The following NR2C2 variants were observed in gnomAD, a reference collection of about 807,000 sequenced individuals.
NR2C2 encodes Nuclear hormone receptor TR4.
Under a neutral mutation model 62.9 loss-of-function variants are expected in NR2C2, and 6 were observed. The observed-to-expected ratio is 0.10, with a 90% CI of 0.05 to 0.19. The LOEUF (loss-of-function observed/expected upper bound fraction) is 0.19. Ranked by LOEUF, NR2C2 falls within the 10% of genes least tolerant of loss-of-function variation. NR2C2 has a pLI of 1.00. For missense variants in NR2C2, 479 were observed against 762.7 expected (o/e 0.63, Z 4.38); for synonymous variants, 272 against 273.8 (o/e 0.99, Z 0.07).
chr3:14,975,756 G>T (rs2040186253), intron 1 of NR2C2, among the ~76,000 whole-genome samples: 1 of 152,074 alleles, frequency 6.6e-6, no homozygotes, highest in Non-Finnish European at 1.5e-5. Context: ...CCTCTTCAGT[G>T]TTTCTAGAAG....
At chr3:15,025,756 G>A (rs1038547904) in intron 7 of NR2C2, 2 of 152,506 alleles carry the variant, frequency 1.3e-5, no homozygotes, top group East Asian at 1.9e-4. Flanking sequence ...GTATCACAAC[G>A]AGGACATTGG....
At chr3:14,994,214 A>C (rs572073100) in intron 1 of NR2C2, among the ~76,000 whole-genome samples, 5 of 152,254 alleles carry the variant, frequency 3.3e-5, no homozygotes, top group Admixed American at 1.3e-4. Flanking sequence ...TTATTGTAGT[A>C]TAACATACCT....
intron 1 of NR2C2, among the ~76,000 whole-genome samples, chr3:14,961,722 A>T (rs2039691936): frequency 6.6e-6 from 1 of 152,208 alleles, no homozygotes; most frequent in Non-Finnish European, 1.5e-5. Flanking sequence ...TCTTTAGGTG[A>T]TCTTTCTCAA....
intron 2 of NR2C2, among the ~76,000 whole-genome samples, chr3:15,008,947 G>A (rs865998711): frequency 6.6e-6 from 1 of 152,266 alleles, no homozygotes; most frequent in Admixed American, 6.5e-5. Flanking sequence ...TTGGTCGGGC[G>A]CGGCGGCTAG....
Position 15,034,713 on chromosome 3 carries a change from C to G in NR2C2, c.1276C>G (p.Leu426Val), listed in dbSNP as rs776445143. Reference sequence around the variant, plus strand: ...CCTTGTGCGGGCCTGCTGGAATGAGCTCTTCACCCTCGGCCTGGCCCAGTG... The same window carrying G: ...CCTTGTGCGGGCCTGCTGGAATGAGGTCTTCACCCTCGGCCTGGCCCAGTG... ...TSLVRACWNELFTLGLAQCAQ... is the reference protein window; with the variant it reads ...TSLVRACWNEVFTLGLAQCAQ... Residue 426 changes from leucine (L) to valine (V), a missense_variant, in exon 11 of 14, where the codon CTC becomes GTC. Leu to Val is a conservative substitution (Grantham distance 32, BLOSUM62 1). Around this residue, in one of 4 missense-constraint regions of NR2C2, gnomAD observed 162 missense variants for 296.8 expected, o/e 0.55. Coordinates refer to ENST00000425241, the MANE Select transcript of NR2C2 (RefSeq NM_001291694.2). 1.9e-6 allele frequency: 3 copies of G among 1,614,196 alleles called. No individual in the cohort carries two copies. Among genetic ancestry groups the G allele is most frequent in the Non-Finnish European group, 2.5e-6 (3 of 1,180,028 alleles).
intron 1 of NR2C2, among the ~76,000 whole-genome samples, chr3:14,996,387 G>A (rs2124880584): frequency 6.6e-6 from 1 of 152,310 alleles, no homozygotes; most frequent in African/African-American, 2.4e-5. Flanking sequence ...CAGTTATATA[G>A]TTTTTATAAC....
intron 2 of NR2C2, among the ~76,000 whole-genome samples, chr3:15,008,111 A>C (rs1382440599): frequency 6.6e-6 from 1 of 152,198 alleles, no homozygotes; most frequent in Non-Finnish European, 1.5e-5. Context: ...GGAGAACTTG[A>C]GCCCAGGATG....
At chr3:15,024,254 T>A in intron 7 of NR2C2, 46 bp downstream of exon 7, 1 of 1,335,100 alleles carries the variant, frequency 7.5e-7, no homozygotes, top group Non-Finnish European at 1.0e-6. Context: ...ATGTTGACAT[T>A]GCAGGCTGCT....
chr3:14,954,057 C>T (rs1434543037), intron 1 of NR2C2, among the ~76,000 whole-genome samples: 2 of 152,170 alleles, frequency 1.3e-5, no homozygotes, highest in African/African-American at 4.8e-5. Context: ...CACACTCGTT[C>T]TTGTCCCCTG....
chr3:15,031,478 C>T (rs2041979186), intron 9 of NR2C2, among the ~76,000 whole-genome samples: 1 of 152,070 alleles, frequency 6.6e-6, no homozygotes, highest in African/African-American at 2.4e-5. Context: ...GGTGATCCTC[C>T]TGCCTCAGCC....
At chr3:14,996,327 A>ATT (rs1574978216) in intron 1 of NR2C2, among the ~76,000 whole-genome samples, 2 of 152,316 alleles carry the variant, frequency 1.3e-5, no homozygotes, top group East Asian at 3.9e-4. Context: ...AATACAAAGA[A>ATT]TTTTCTGTTT....
intron 2 of NR2C2, among the ~76,000 whole-genome samples, chr3:15,006,441 T>G (rs1253658301): frequency 6.6e-6 from 1 of 152,142 alleles, no homozygotes; most frequent in Non-Finnish European, 1.5e-5. Context: ...TATATGTAAA[T>G]TCTATGTATA....
At chr3:15,003,110 T>TA (rs967036675) in intron 1 of NR2C2, among the ~76,000 whole-genome samples, 1 of 143,072 alleles carries the variant, frequency 7.0e-6, no homozygotes. Context: ...CGTGCCTGGC[T>TA]AATTTTTTTT....
At chr3:14,951,489 AT>A (rs2039354655) in intron 1 of NR2C2, among the ~76,000 whole-genome samples, 1 of 151,956 alleles carries the variant, frequency 6.6e-6, no homozygotes, top group South Asian at 2.1e-4. Context: ...TTAACTGTTT[AT>A]TTTTGGGTTT....
In NR2C2 at chr3:14,981,322, GGCCGGGC is replaced by G. The variant is rs1418804345; in HGVS notation, c.-39-22551_-39-22545del. Among the ~76,000 whole-genome samples, 7 of 152,164 alleles carry G rather than the reference GGCCGGGC, an allele frequency of 4.6e-5. No individual in the cohort carries two copies. In the South Asian group the frequency reaches 8.3e-4, roughly 18 times the overall value. ...TCTCTATGAAAATATTAAAAAGTTA[GGCCGGGC>G]GCGGTGCCTCACGCCTGTAATCCCA... On this transcript the variant is annotated intron_variant, in intron 1 of 13. Coordinates refer to ENST00000425241, the MANE Select transcript of NR2C2 (RefSeq NM_001291694.2).
At chr3:15,009,566 C>T (rs897915384) in intron 2 of NR2C2, among the ~76,000 whole-genome samples, 8 of 152,182 alleles carry the variant, frequency 5.3e-5, no homozygotes, top group African/African-American at 1.9e-4. Flanking sequence ...TATTGAGGGC[C>T]TTAAAAATCA....
intron 2 of NR2C2, among the ~76,000 whole-genome samples, chr3:15,010,016 C>A (rs763351290): frequency 7.2e-5 from 11 of 152,188 alleles, no homozygotes; most frequent in Non-Finnish European, 1.2e-4. Context: ...ATCCTAATTA[C>A]ATTTGCAAAG....
At chr3:15,022,009 CT>C (rs1377077359) in intron 5 of NR2C2, among the ~76,000 whole-genome samples, 2 of 152,102 alleles carry the variant, frequency 1.3e-5, no homozygotes, top group African/African-American at 4.8e-5. Context: ...CCAAGCTGTC[CT>C]TTTTCTCAAT....
Position 15,048,824 on chromosome 3 carries a change from C to T in NR2C2, c.*5816C>T, listed in dbSNP as rs769692572. 1 of 152,610 alleles carries T rather than the reference C, an allele frequency of 6.6e-6. No individual in the cohort carries two copies. The highest frequency in any genetic ancestry group is 2.4e-5 in the African/African-American group (1 of 41,438). The allele number at this position is 152,610 out of a possible 1,614,324, so 9.5% of individuals were successfully genotyped here. A position where few individuals can be genotyped will look rare whatever the true frequency, so the allele number is the denominator to read the frequency against. ...TAGTTTTTACCTGTAGTTTGGACTT[C>T]TCTGTTAGAATGTAACTGCATTACC... On this transcript the variant is annotated 3_prime_UTR_variant, in exon 14 of 14. Coordinates refer to ENST00000425241, the MANE Select transcript of NR2C2 (RefSeq NM_001291694.2).
Sources: allele counts gnomAD v4.1 joint callset (sites outside exome capture counted in the v4.1 genomes callset), GRCh38; gene constraint gnomAD v4.1.1; regional missense constraint gnomAD v4.1.1; transcripts MANE v1.5; gene names NCBI Gene and HGNC (gene_info 2026-07-23, HGNC 2026-07-21).